Variants in SLIT3 observed in about 807,000 individuals in gnomAD.
The protein encoded by SLIT3 is slit homolog 3 protein.
SLIT3 carries 68 observed loss-of-function variants against 184.0 expected under a neutral mutation model. That is an observed-to-expected ratio of 0.37 (90% CI 0.30 to 0.45). The LOEUF (loss-of-function observed/expected upper bound fraction) is 0.45. SLIT3 is among the 20% of genes least tolerant of loss of function. The pLI is 1.00. For synonymous variants in SLIT3, 831 were observed against 828.6 expected, an observed-to-expected ratio of 1.00 and a Z score of -0.05; for missense variants, 1,707 against 2,026.0, an observed-to-expected ratio of 0.84 and a Z score of 3.02.
chr5:169,126,073 T>C (rs922101866), intron 4 of SLIT3, among the ~76,000 whole-genome samples: 1 of 152,194 alleles, frequency 6.6e-6, no homozygotes, highest in African/African-American at 2.4e-5. Context: ...CATGGAATTA[T>C]TGCAAGAGAT....
At chr5:168,932,244 TTTG>T (rs1299037841) in intron 4 of SLIT3, among the ~76,000 whole-genome samples, 4 of 128,646 alleles carry the variant, frequency 3.1e-5, no homozygotes, top group Non-Finnish European at 4.7e-5. Flanking sequence ...ACACAGTTTT[TTTG>T]TTGTTGTTGT....
At chr5:169,021,446 G>T (rs1171895772) in intron 4 of SLIT3, among the ~76,000 whole-genome samples, 1 of 152,082 alleles carries the variant, frequency 6.6e-6, no homozygotes, top group African/African-American at 2.4e-5. Context: ...CTCCTCCCCA[G>T]TTCAAGTGAT....
chr5:169,003,660 C>T (rs1319360907), intron 4 of SLIT3, among the ~76,000 whole-genome samples: 1 of 152,200 alleles, frequency 6.6e-6, no homozygotes, highest in East Asian at 1.9e-4. Context: ...CCATGGCCTG[C>T]AATTGCCCTG....
intron 4 of SLIT3, among the ~76,000 whole-genome samples, chr5:168,988,672 T>A (rs572328409): frequency 6.6e-6 from 1 of 152,206 alleles, no homozygotes; most frequent in African/African-American, 2.4e-5. Flanking sequence ...TTAACATGCA[T>A]ACGTTATATA....
intron 4 of SLIT3, among the ~76,000 whole-genome samples, chr5:169,118,537 A>G (rs1219812962): frequency 6.6e-6 from 1 of 151,992 alleles, no homozygotes; most frequent in Admixed American, 6.5e-5. Context: ...GGTCCTAGGC[A>G]GGACCGAGTC....
intron 12 of SLIT3, among the ~76,000 whole-genome samples, chr5:168,777,000 C>T (rs922148148): frequency 4.0e-5 from 6 of 151,146 alleles, no homozygotes; most frequent in South Asian, 2.1e-4. Flanking sequence ...CAGCATTTTG[C>T]GTCATGCCAC....
rs577131318 is a variant in SLIT3, at chr5:169,194,061, C to T, written c.342-511G>A. On this transcript the variant is annotated intron_variant, in intron 3 of 35. Transcript: ENST00000519560. ...ATCATTGGGCAACATGGTGAAACCCCGTTTCTAATAAAAATACAAAAAAAT... is the reference window on the plus strand; with the variant it reads ...ATCATTGGGCAACATGGTGAAACCCTGTTTCTAATAAAAATACAAAAAAAT... 4.6e-5 allele frequency among the ~76,000 whole-genome samples: 7 copies of T among 151,810 alleles called. No individual in the cohort carries two copies. The South Asian group carries it at 1.0e-3, about 23-fold the overall frequency.
chr5:168,949,327 C>T (rs1762577079), intron 4 of SLIT3, among the ~76,000 whole-genome samples: 1 of 152,050 alleles, frequency 6.6e-6, no homozygotes, highest in African/African-American at 2.4e-5. Context: ...AGGAATGAGA[C>T]CATGAGAAAT....
At chr5:169,274,399 A>G (rs1008186395) in intron 1 of SLIT3, among the ~76,000 whole-genome samples, 2 of 152,238 alleles carry the variant, frequency 1.3e-5, no homozygotes, top group Non-Finnish European at 2.9e-5. Context: ...AATCGAAAGA[A>G]GCATTAAGTT....
chr5:169,010,048 G>A, intron 4 of SLIT3, among the ~76,000 whole-genome samples: 1 of 152,124 alleles, frequency 6.6e-6, no homozygotes, highest in East Asian at 1.9e-4. Context: ...TGAACCAATC[G>A]AGTTTTACAG....
chr5:168,920,426 G>A (rs1244567026), intron 4 of SLIT3, among the ~76,000 whole-genome samples: 1 of 152,138 alleles, frequency 6.6e-6, no homozygotes, highest in Non-Finnish European at 1.5e-5. Flanking sequence ...ACACACCTGG[G>A]CTAATTTTGC....
chr5:169,110,258 A>G (rs1760365120), intron 4 of SLIT3, among the ~76,000 whole-genome samples: 1 of 152,226 alleles, frequency 6.6e-6, no homozygotes, highest in Non-Finnish European at 1.5e-5. Context: ...AAAAATACTT[A>G]TCATCTGACA....
chr5:169,031,337 GA>G (rs1037288496), intron 4 of SLIT3, among the ~76,000 whole-genome samples: 4 of 151,962 alleles, frequency 2.6e-5, no homozygotes, highest in African/African-American at 7.2e-5. Flanking sequence ...TAGAGGGGTA[GA>G]AAAAAAATAT....
intron 4 of SLIT3, among the ~76,000 whole-genome samples, chr5:169,181,157 C>T (rs1472424602): frequency 1.3e-5 from 2 of 152,160 alleles, no homozygotes; most frequent in African/African-American, 4.8e-5. Context: ...CATAGCATTG[C>T]CCAATAATTT....
chr5:169,104,517 T>G (rs1359412843), intron 4 of SLIT3, among the ~76,000 whole-genome samples: 1 of 152,200 alleles, frequency 6.6e-6, no homozygotes, highest in African/African-American at 2.4e-5. Flanking sequence ...TAATCTTAAG[T>G]CAAAGAACCA....
At chr5:168,892,765 T>C (rs975955347) in intron 4 of SLIT3, among the ~76,000 whole-genome samples, 46 of 152,224 alleles carry the variant, frequency 3.0e-4, no homozygotes, top group African/African-American at 1.0e-3. Context: ...TAAGGCTCTT[T>C]GTGTTCATGA....
chr5:169,113,758 C>T (rs531073208), intron 4 of SLIT3, among the ~76,000 whole-genome samples: 2 of 151,528 alleles, frequency 1.3e-5, no homozygotes, highest in African/African-American at 2.4e-5. Context: ...CTGGTTCAAC[C>T]GATTCTCCTG....
In SLIT3 at chr5:169,193,495, G is replaced by A. The variant is rs372548594; in HGVS notation, c.397C>T (p.Pro133Ser). 6.8e-6 allele frequency: 11 copies of A among 1,614,024 alleles called. No individual in the cohort carries two copies. The South Asian group carries it at 9.9e-5, about 14-fold the overall frequency. Residue 133 changes from proline to serine, a missense_variant, in exon 4 of 36, where the codon CCG becomes TCG. Coordinates refer to ENST00000519560, the MANE Select transcript of SLIT3 (RefSeq NM_003062.4). ...VLPELLFQST[P>S]KLTRLDLSEN... ...TCTACTCACAGTCTGGTGAGCTTCG[G>A]CGTGCTCTGGAAAAGCAATTCTGGA...
intron 4 of SLIT3, among the ~76,000 whole-genome samples, chr5:169,164,062 T>C (rs924682782): frequency 6.6e-6 from 1 of 152,224 alleles, no homozygotes; most frequent in African/African-American, 2.4e-5. Context: ...CAGTGATTTA[T>C]GTTCTGGAAG....
Sources: allele counts gnomAD v4.1 joint callset (sites outside exome capture counted in the v4.1 genomes callset), GRCh38; gene constraint gnomAD v4.1.1; transcripts MANE v1.5; gene names NCBI Gene and HGNC (gene_info 2026-07-23, HGNC 2026-07-21).